The following VAT1L variants were observed in gnomAD, a reference collection of about 807,000 sequenced individuals.
The protein encoded by VAT1L is vesicle amine transport 1 like.
VAT1L carries 34 observed loss-of-function variants against 44.1 expected under a neutral mutation model. The observed-to-expected ratio is 0.77, with a 90% CI of 0.59 to 1.03. The LOEUF is 1.03. Among genes scored for constraint, VAT1L ranks in the 50% least tolerant of loss-of-function variants. The pLI is 0.00. For synonymous variants in VAT1L, 253 were observed against 202.2 expected (o/e 1.25, Z -2.13); for missense variants, 615 against 538.8 (o/e 1.14, Z -1.40).
intron 3 of VAT1L, among the ~76,000 whole-genome samples, chr16:77,853,174 C>G (rs1330955073): frequency 6.6e-6 from 1 of 152,130 alleles, no homozygotes; most frequent in Admixed American, 6.6e-5. Context: ...CCCGGTGCAC[C>G]GTGGCCAAGC....
At chr16:77,796,436 G>A (rs1211975869) in intron 1 of VAT1L, among the ~76,000 whole-genome samples, 1 of 152,206 alleles carries the variant, frequency 6.6e-6, no homozygotes, top group Admixed American at 6.5e-5. Context: ...TTTTCTAGGA[G>A]AGGAAGCTGG....
chr16:77,937,618 G>C (rs914138861), intron 7 of VAT1L, among the ~76,000 whole-genome samples: 1 of 152,250 alleles, frequency 6.6e-6, no homozygotes, highest in Non-Finnish European at 1.5e-5. Flanking sequence ...GGAACTTAAA[G>C]TGGTGATGCT....
intron 7 of VAT1L, among the ~76,000 whole-genome samples, chr16:77,887,739 C>A (rs1320113619): frequency 6.6e-6 from 1 of 152,188 alleles, no homozygotes; most frequent in Non-Finnish European, 1.5e-5. Flanking sequence ...CATATGCAGG[C>A]AGGTCTGGGA....
chr16:77,862,085 A>T (rs911138346), intron 3 of VAT1L, among the ~76,000 whole-genome samples: 3 of 152,208 alleles, frequency 2.0e-5, no homozygotes, highest in African/African-American at 7.2e-5. Flanking sequence ...GTAAGATATC[A>T]GTTTTTAAGT....
rs547273338 is a variant in VAT1L, at chr16:77,897,091, C to T, written c.1077+12289C>T. On this transcript the variant is annotated intron_variant, in intron 7 of 8. Coordinates refer to ENST00000302536, the MANE Select transcript of VAT1L (RefSeq NM_020927.3). ...GATATCTGTACTGATATGTTAATCACAGATTCTTTATTTGCTAGACTAAGT... is the reference window on the plus strand; with the variant it reads ...GATATCTGTACTGATATGTTAATCATAGATTCTTTATTTGCTAGACTAAGT... 3.3e-5 allele frequency among the ~76,000 whole-genome samples: 5 copies of T among 152,286 alleles called. No individual in the cohort carries two copies. In the South Asian group the frequency reaches 6.2e-4, roughly 19 times the overall value.
At chr16:77,871,751 A>C (rs2017035417) in intron 4 of VAT1L, among the ~76,000 whole-genome samples, 1 of 152,060 alleles carries the variant, frequency 6.6e-6, no homozygotes, top group East Asian at 1.9e-4. Flanking sequence ...ATGATTAAAA[A>C]CTTACGAACT....
At chr16:77,892,761 T>C (rs1033632453) in intron 7 of VAT1L, 19 of 765,314 alleles carry the variant, frequency 2.5e-5, no homozygotes, top group Non-Finnish European at 4.6e-5. Context: ...TAGTTTTTCA[T>C]CTGTACTGCC....
At chr16:77,852,478 G>T (rs1268904228) in intron 3 of VAT1L, among the ~76,000 whole-genome samples, 1 of 152,128 alleles carries the variant, frequency 6.6e-6, no homozygotes, top group Non-Finnish European at 1.5e-5. Flanking sequence ...AACATGTCCT[G>T]TCCCCACAGG....
intron 8 of VAT1L, 120 bp from the exon 9 acceptor site, chr16:77,977,477 G>A (rs1482377269): frequency 2.1e-6 from 2 of 960,560 alleles, no homozygotes; most frequent in East Asian, 2.7e-5. Context: ...TGCCTTCCAG[G>A]GAAACAAGCA....
At chr16:77,829,476 A>G (rs2016556837) in intron 3 of VAT1L, among the ~76,000 whole-genome samples, 2 of 152,232 alleles carry the variant, frequency 1.3e-5, no homozygotes. Context: ...GCATGGAAAA[A>G]TAATTCAATC....
chr16:77,897,974 C>A (rs2017341951), intron 7 of VAT1L, among the ~76,000 whole-genome samples: 1 of 152,178 alleles, frequency 6.6e-6, no homozygotes, highest in Non-Finnish European at 1.5e-5. Context: ...GTTGTCTCAG[C>A]GTTCTGGAGG....
rs80050725 is a variant in VAT1L, at chr16:77,858,083, A to G, written c.580-4665A>G. On this transcript the variant is annotated intron_variant, in intron 3 of 8. Transcript: ENST00000302536. The stretch of plus-strand genomic sequence containing the variant: ...CTATGTGCCAGGTTCTGCACTGGGC[A>G]CAGGAGCAGAGGGCCGGTGGAGACA... 2.6e-3 allele frequency among the ~76,000 whole-genome samples: 402 copies of G among 152,312 alleles called. 4 individuals carry two copies. The highest frequency in any genetic ancestry group is 9.0e-3 in the African/African-American group (374 of 41,564).
intron 7 of VAT1L, among the ~76,000 whole-genome samples, chr16:77,955,457 G>A (rs1474350779): frequency 1.3e-5 from 2 of 152,192 alleles, no homozygotes; most frequent in Non-Finnish European, 1.5e-5. Flanking sequence ...GGGCGTGGTG[G>A]CTCACACCTG....
At chr16:77,827,937 C>T (rs758203175) in intron 3 of VAT1L, among the ~76,000 whole-genome samples, 1 of 152,118 alleles carries the variant, frequency 6.6e-6, no homozygotes, top group Non-Finnish European at 1.5e-5. Flanking sequence ...TTAGTGAGAG[C>T]ATATATTCTT....
At chr16:77,877,548 A>G (rs1393392937) in intron 5 of VAT1L, among the ~76,000 whole-genome samples, 5 of 147,600 alleles carry the variant, frequency 3.4e-5, no homozygotes, top group East Asian at 2.0e-4. Context: ...AAAAAACCAC[A>G]TTAGTCTCCA....
intron 7 of VAT1L, among the ~76,000 whole-genome samples, chr16:77,921,977 G>C (rs2017616714): frequency 1.3e-5 from 2 of 151,972 alleles, no homozygotes; most frequent in African/African-American, 4.8e-5. Context: ...TGAAGCCCTG[G>C]GCTCAAGCAA....
intron 7 of VAT1L, among the ~76,000 whole-genome samples, chr16:77,963,636 A>C (rs1285061306): frequency 6.6e-6 from 1 of 151,712 alleles, no homozygotes; most frequent in African/African-American, 2.4e-5. Context: ...GGGGGGAAAA[A>C]CCCACAGTGT....
intron 3 of VAT1L, among the ~76,000 whole-genome samples, chr16:77,839,990 G>A (rs150988835): frequency 3.3e-5 from 5 of 149,324 alleles, no homozygotes; most frequent in East Asian, 1.9e-4. Flanking sequence ...CTTAGCTTCC[G>A]CACCTTGCTG....
At chr16:77,936,133 A>G (rs979682581) in intron 7 of VAT1L, among the ~76,000 whole-genome samples, 1 of 152,206 alleles carries the variant, frequency 6.6e-6, no homozygotes, top group African/African-American at 2.4e-5. Context: ...ATAACTTCCC[A>G]GGACTGGCTG....
Sources: allele counts gnomAD v4.1 joint callset (sites outside exome capture counted in the v4.1 genomes callset), GRCh38; gene constraint gnomAD v4.1.1; transcripts MANE v1.5; gene names NCBI Gene and HGNC (gene_info 2026-07-23, HGNC 2026-07-21).